LRRC38: variants seen among roughly 807,000 people sequenced by gnomAD.
LRRC38 encodes the protein leucine-rich repeat-containing protein 38.
In LRRC38, 5 loss-of-function variants were observed where a neutral mutation model predicts 16.4. That is an observed-to-expected ratio of 0.31 (90% CI 0.16 to 0.64). The LOEUF (loss-of-function observed/expected upper bound fraction) is 0.64, where lower values mean the gene tolerates loss of function less well. Ranked by LOEUF, LRRC38 falls within the 30% of genes least tolerant of loss-of-function variation. The pLI, the probability that LRRC38 is intolerant of heterozygous loss-of-function variation, is 0.80. For synonymous variants in LRRC38, 191 were observed against 190.2 expected, an observed-to-expected ratio of 1.00 and a Z score of -0.04; for missense variants, 341 against 401.8, an observed-to-expected ratio of 0.85 and a Z score of 1.29.
rs542935421 is a variant in LRRC38, at chr1:13,494,696, C to T, written c.631+18267G>A. Among the ~76,000 whole-genome samples the T allele has an allele frequency of 2.5e-3, 375 of 152,328 alleles. 1 individual carries two copies. The highest frequency in any genetic ancestry group is 3.9e-3 in the Non-Finnish European group (267 of 68,034). ...GCAATATGAGGGGAGCAGTGCTGAA[C>T]CAGGAACTGGGGGGCTTGGCTCTTG... On this transcript the variant is annotated intron_variant, in intron 1 of 1. Transcript: ENST00000376085.
intron 1 of LRRC38, among the ~76,000 whole-genome samples, chr1:13,476,531 G>A (rs557122097): frequency 6.6e-6 from 1 of 152,282 alleles, no homozygotes; most frequent in South Asian, 2.1e-4. Context: ...GTTTCACCAT[G>A]TTGGCCAGGC....
intron 1 of LRRC38, 43 bp downstream of exon 1, chr1:13,512,920 T>G: frequency 1.2e-5 from 15 of 1,269,008 alleles, no homozygotes; most frequent in South Asian, 1.4e-5. Flanking sequence ...GGCCTCTCCC[T>G]GCCCCCCTCC....
At chr1:13,498,774 C>T (rs933971128) in intron 1 of LRRC38, among the ~76,000 whole-genome samples, 1 of 152,200 alleles carries the variant, frequency 6.6e-6, no homozygotes, top group African/African-American at 2.4e-5. Context: ...GGCTGCAACA[C>T]AATACCACCA....
Position 13,513,353 on chromosome 1 carries a change from C to T in LRRC38, c.241G>A (p.Asp81Asn), listed in dbSNP as rs1244728669. The change falls in exon 1 of 2, where the codon GAC becomes AAC. Residue 81 changes from aspartate to asparagine, a missense_variant. Asp to Asn is a conservative substitution (Grantham distance 23). Coordinates refer to ENST00000376085, the MANE Select transcript of LRRC38 (RefSeq NM_001010847.2). ...TTCCTGAAGTCCAGGTAGACCAGGT[C>T]GCCGTAGAAGATGAAGAAGTCCTCG... ...IPEDFFIFYG[D>N]LVYLDFRNNS... is the part of the protein sequence containing the mutation. 14 of 1,550,740 alleles carry T rather than the reference C, an allele frequency of 9.0e-6. No individual in the cohort carries two copies. The highest frequency in any genetic ancestry group is 5.9e-5 in the South Asian group (5 of 84,070).
At chr1:13,500,771 G>T (rs1639137926) in intron 1 of LRRC38, among the ~76,000 whole-genome samples, 1 of 152,236 alleles carries the variant, frequency 6.6e-6, no homozygotes, top group South Asian at 2.1e-4. Flanking sequence ...ATACCTTTTG[G>T]TTTACAGTGT....
Position 13,513,577 on chromosome 1 carries a change from G to A in LRRC38, c.17C>T (p.Pro6Leu). The A allele has an allele frequency of 8.4e-7, 1 of 1,184,042 alleles. No homozygotes were observed. Among genetic ancestry groups the A allele is most frequent in the Non-Finnish European group, 1.0e-6 (1 of 957,756 alleles). 73.3% of individuals were successfully genotyped at this position (1,184,042 alleles called of 1,614,324 possible). Residue 6 changes from proline (P) to leucine (L), a missense_variant, in exon 1 of 2, where the codon CCA (proline) becomes CTA (leucine). Transcript: ENST00000376085. MRPRA[P>L]ACAAAALGLC... ...CCCGAGCGCCGCGGCGGCGCAGGCTGGGGCTCGGGGGCGCATGGCCGGGGG... is the reference window on the plus strand; with the variant it reads ...CCCGAGCGCCGCGGCGGCGCAGGCTAGGGCTCGGGGGCGCATGGCCGGGGG...
At chr1:13,500,775 ACAGT>A (rs1639138041) in intron 1 of LRRC38, among the ~76,000 whole-genome samples, 2 of 152,234 alleles carry the variant, frequency 1.3e-5, no homozygotes, top group South Asian at 4.1e-4. Context: ...CTTTTGGTTT[ACAGT>A]GTTATACTAA....
chr1:13,491,209 C>G (rs1245743621), intron 1 of LRRC38, among the ~76,000 whole-genome samples: 1 of 152,200 alleles, frequency 6.6e-6, no homozygotes, highest in Non-Finnish European at 1.5e-5. Flanking sequence ...TGCCATGGAA[C>G]GTCCCACACT....
intron 1 of LRRC38, among the ~76,000 whole-genome samples, chr1:13,490,066 G>A (rs940729479): frequency 5.9e-5 from 9 of 152,272 alleles, no homozygotes; most frequent in East Asian, 3.9e-4. Flanking sequence ...ACACATAAGC[G>A]AGGAAAACCG....
intron 1 of LRRC38, among the ~76,000 whole-genome samples, chr1:13,486,272 G>A (rs1334954958): frequency 6.6e-6 from 1 of 152,050 alleles, no homozygotes; most frequent in Non-Finnish European, 1.5e-5. Context: ...GTCTCCCTCT[G>A]CCCTTCCCTT....
chr1:13,504,335 C>T (rs1364419893), intron 1 of LRRC38, among the ~76,000 whole-genome samples: 1 of 152,078 alleles, frequency 6.6e-6, no homozygotes, highest in African/African-American at 2.4e-5. Flanking sequence ...CCTGCCCAGC[C>T]CTGCCCCAGA....
intron 1 of LRRC38, among the ~76,000 whole-genome samples, chr1:13,504,029 G>C (rs1371554732): frequency 6.6e-6 from 1 of 152,252 alleles, no homozygotes; most frequent in African/African-American, 2.4e-5. Flanking sequence ...GTTGTCACAC[G>C]TTTGGGATTT....
At chr1:13,502,330 T>C (rs1053784051) in intron 1 of LRRC38, among the ~76,000 whole-genome samples, 1 of 152,144 alleles carries the variant, frequency 6.6e-6, no homozygotes, top group Admixed American at 6.5e-5. Context: ...CTGTCTATCC[T>C]TCTGGTCACT....
In LRRC38 at chr1:13,476,035, C is replaced by G; in HGVS notation, c.696G>C (p.Ser232=). 6.4e-7 allele frequency: 1 copy of G among 1,550,442 alleles called. No individual in the cohort carries two copies. The highest frequency in any genetic ancestry group is 2.4e-5 in the East Asian group (1 of 40,910). The part of the protein sequence containing the change: ...ESRRISLREL[S]EASFSECRFS... ...ACCTACACTCGCTGAAGCTGGCCTC[C>G]GACAGCTCACGCAGGGATATCCTCC... The change falls in exon 2 of 2, where the codon TCG becomes TCC. Residue 232 remains serine, a synonymous_variant. Coordinates refer to ENST00000376085, the MANE Select transcript of LRRC38 (RefSeq NM_001010847.2).
chr1:13,489,483 C>T (rs767373042), intron 1 of LRRC38, among the ~76,000 whole-genome samples: 9 of 146,986 alleles, frequency 6.1e-5, no homozygotes, highest in Non-Finnish European at 1.0e-4. Context: ...AGAACTTGGG[C>T]AATTTGTCTA....
chr1:13,502,892 G>T (rs1189754384), intron 1 of LRRC38, among the ~76,000 whole-genome samples: 1 of 152,214 alleles, frequency 6.6e-6, no homozygotes, highest in Non-Finnish European at 1.5e-5. Context: ...TGATGTAGAT[G>T]ATCTAAAAGC....
chr1:13,500,427 T>C (rs1639134802), intron 1 of LRRC38, among the ~76,000 whole-genome samples: 1 of 152,222 alleles, frequency 6.6e-6, no homozygotes, highest in South Asian at 2.1e-4. Flanking sequence ...TGCCCTACTG[T>C]TTCACTAAGC....
chr1:13,486,535 C>G (rs1638937137), intron 1 of LRRC38, among the ~76,000 whole-genome samples: 1 of 151,976 alleles, frequency 6.6e-6, no homozygotes, highest in African/African-American at 2.4e-5. Context: ...GGCAACTCCC[C>G]AGCTTCCTTT....
At chr1:13,504,458 C>T (rs527990143) in intron 1 of LRRC38, among the ~76,000 whole-genome samples, 34 of 152,132 alleles carry the variant, frequency 2.2e-4, no homozygotes, top group South Asian at 4.1e-4. Flanking sequence ...CAGTGGCTCA[C>T]GCCTGTAATC....
Sources: allele counts gnomAD v4.1 joint callset (sites outside exome capture counted in the v4.1 genomes callset), GRCh38; gene constraint gnomAD v4.1.1; transcripts MANE v1.5; gene names NCBI Gene and HGNC (gene_info 2026-07-23, HGNC 2026-07-21).